USH2A: variants seen among roughly 807,000 people sequenced by gnomAD.
USH2A encodes the protein usherin.
USH2A carries 443 observed loss-of-function variants against 538.9 expected under a neutral mutation model. The ratio of observed to expected loss-of-function variants is 0.82; its 90% CI spans 0.76 to 0.89. USH2A has a LOEUF of 0.89. Ranked by LOEUF, USH2A falls within the 40% of genes least tolerant of loss-of-function variation. USH2A has a pLI of 0.00. For synonymous variants in USH2A, 2,413 were observed against 2,273.5 expected (o/e 1.06, Z -1.75); for missense variants, 6,633 against 6,324.8 (o/e 1.05, Z -1.65).
chr1:216,077,581 A>G (rs904305298), intron 27 of USH2A, among the ~76,000 whole-genome samples: 1 of 148,916 alleles, frequency 6.7e-6, no homozygotes, highest in Non-Finnish European at 1.5e-5. Context: ...ATATAATTAT[A>G]TATATAATTA....
intron 27 of USH2A, among the ~76,000 whole-genome samples, chr1:216,077,483 C>T (rs2102553510): frequency 6.6e-6 from 1 of 151,312 alleles, no homozygotes; most frequent in African/African-American, 2.4e-5. Flanking sequence ...ACTAGTTATG[C>T]ATACCAACTT....
chr1:216,247,269 T>A, intron 12 of USH2A, 43 bp from the exon 13 acceptor site: 2 of 1,608,978 alleles, frequency 1.2e-6, no homozygotes, highest in Non-Finnish European at 1.7e-6. Context: ...GGGAAAATGA[T>A]TTCATTCAAG....
chr1:215,692,953 G>C (rs1658665360), intron 61 of USH2A, among the ~76,000 whole-genome samples: 1 of 151,198 alleles, frequency 6.6e-6, no homozygotes, highest in Non-Finnish European at 1.5e-5. Flanking sequence ...GCCCGGGTTG[G>C]AGTATTGTGG....
intron 58 of USH2A, among the ~76,000 whole-genome samples, chr1:215,756,665 C>T (rs1660801487): frequency 6.6e-6 from 1 of 152,158 alleles, no homozygotes. Context: ...GTGGCTCATG[C>T]CCGTAATCCC....
chr1:216,218,452 C>T (rs1048331754), intron 14 of USH2A, among the ~76,000 whole-genome samples: 3 of 152,118 alleles, frequency 2.0e-5, no homozygotes, highest in Non-Finnish European at 4.4e-5. Context: ...AGGTACTCTC[C>T]TTGTGGTACG....
chr1:215,882,495 T>A lies in USH2A; in HGVS notation c.8224-3397A>T, dbSNP rs887609739. ...TCTTAATTTTTAATTTCAAATATTCTATTTGTATTTTTTCAATCAGACAGA... is the reference window on the plus strand; with the variant it reads ...TCTTAATTTTTAATTTCAAATATTCAATTTGTATTTTTTCAATCAGACAGA... On this transcript the variant is annotated intron_variant, in intron 41 of 71. Transcript: ENST00000307340. Among the ~76,000 whole-genome samples the A allele has an allele frequency of 3.3e-5, 5 of 152,304 alleles. No homozygotes were observed. The East Asian group carries it at 5.8e-4, about 18-fold the overall frequency.
chr1:216,236,599 G>C (rs1033338667), intron 13 of USH2A, among the ~76,000 whole-genome samples: 1 of 152,138 alleles, frequency 6.6e-6, no homozygotes, highest in African/African-American at 2.4e-5. Flanking sequence ...TAAAATATGA[G>C]ATGATCCCTT....
chr1:216,085,972 T>C (rs1382435274), intron 24 of USH2A, among the ~76,000 whole-genome samples: 1 of 152,118 alleles, frequency 6.6e-6, no homozygotes, highest in East Asian at 1.9e-4. Flanking sequence ...TTATTTGTAA[T>C]ATTTATGTAG....
chr1:216,103,343 A>G (rs752321027), intron 21 of USH2A, among the ~76,000 whole-genome samples: 6 of 152,226 alleles, frequency 3.9e-5, no homozygotes, highest in Non-Finnish European at 8.8e-5. Context: ...TTTTTCAAAA[A>G]CCAAATGTGT....
In USH2A at chr1:215,743,149, C is replaced by G. The variant is rs769401045; in HGVS notation, c.11548+28G>C. 13 of 1,603,940 alleles carry G rather than the reference C, an allele frequency of 8.1e-6. No individual in the cohort carries two copies. In the South Asian group the frequency reaches 1.4e-4, roughly 18 times the overall value. On this transcript the variant is annotated intron_variant, in intron 59 of 71. Coordinates refer to ENST00000307340, the MANE Select transcript of USH2A (RefSeq NM_206933.4). ...TAATGAAATACTTTTTCATAAAAGCCCAGGCCAAGTGTCTGAAAGACTTTC... is the reference window on the plus strand; with the variant it reads ...TAATGAAATACTTTTTCATAAAAGCGCAGGCCAAGTGTCTGAAAGACTTTC...
intron 3 of USH2A, among the ~76,000 whole-genome samples, chr1:216,367,225 G>A (rs1402618772): frequency 1.3e-5 from 2 of 152,110 alleles, no homozygotes; most frequent in Admixed American, 1.3e-4. Flanking sequence ...TATTCTCAGA[G>A]CATGAGAGAG....
intron 32 of USH2A, among the ~76,000 whole-genome samples, chr1:216,015,951 C>A (rs1668700044): frequency 6.6e-6 from 1 of 152,182 alleles, no homozygotes; most frequent in African/African-American, 2.4e-5. Context: ...CCCAAACGTC[C>A]ATCAATGAAA....
chr1:215,825,654 C>A (rs1553266744), intron 47 of USH2A, among the ~76,000 whole-genome samples: 1 of 152,054 alleles, frequency 6.6e-6, no homozygotes, highest in Non-Finnish European at 1.5e-5. Context: ...TTTACACAGG[C>A]TTTTTTTCTA....
At chr1:216,328,528 C>T (rs1365350324) in intron 4 of USH2A, among the ~76,000 whole-genome samples, 1 of 151,908 alleles carries the variant, frequency 6.6e-6, no homozygotes, top group Non-Finnish European at 1.5e-5. Context: ...AAAATTGGAG[C>T]AATTTTAATC....
chr1:216,304,735 A>T (rs569447522), intron 9 of USH2A, among the ~76,000 whole-genome samples: 27 of 152,136 alleles, frequency 1.8e-4, no homozygotes, highest in African/African-American at 5.5e-4. Flanking sequence ...AATTCAGTTA[A>T]AGGACTTTTT....
At chr1:216,000,645 T>A in intron 32 of USH2A, 83 bp from the exon 33 acceptor site, 3 of 1,535,502 alleles carry the variant, frequency 2.0e-6, no homozygotes, top group African/African-American at 2.7e-5. Flanking sequence ...TAGTCCTATC[T>A]CAGAGAATTG....
chr1:215,797,408 T>C (rs1296103077), intron 50 of USH2A, among the ~76,000 whole-genome samples: 3 of 152,160 alleles, frequency 2.0e-5, no homozygotes, highest in Non-Finnish European at 4.4e-5. Context: ...TGAAATAGCC[T>C]TGTACTGGAA....
chr1:216,309,221 C>T (rs545410667), intron 9 of USH2A, among the ~76,000 whole-genome samples: 38 of 152,256 alleles, frequency 2.5e-4, no homozygotes, highest in Admixed American at 2.2e-3. Flanking sequence ...ACAAGCAACA[C>T]TAATGTGTCT....
At chr1:216,372,860 T>C (rs949562175) in intron 3 of USH2A, among the ~76,000 whole-genome samples, 1 of 152,188 alleles carries the variant, frequency 6.6e-6, no homozygotes, top group African/African-American at 2.4e-5. Flanking sequence ...TATTTCAATA[T>C]ATCATTGTGC....
Sources: allele counts gnomAD v4.1 joint callset (sites outside exome capture counted in the v4.1 genomes callset), GRCh38; gene constraint gnomAD v4.1.1; transcripts MANE v1.5; gene names NCBI Gene and HGNC (gene_info 2026-07-23, HGNC 2026-07-21).